Variants in IFT80 observed in about 807,000 individuals in gnomAD.
The protein encoded by IFT80 is intraflagellar transport 80, also known as intraflagellar transport protein 80 homolog.
IFT80 carries 79 observed loss-of-function variants against 107.9 expected under a neutral mutation model. The observed-to-expected ratio is 0.73, with a 90% CI of 0.61 to 0.88. The LOEUF (loss-of-function observed/expected upper bound fraction) is 0.88, where lower values mean the gene tolerates loss of function less well. IFT80 is among the 40% of genes least tolerant of loss of function. The probability of loss-of-function intolerance (pLI) is 0.00; values close to 1 mark genes in which losing one functional copy is unlikely to be tolerated. For missense variants in IFT80, 797 were observed against 914.2 expected (o/e 0.87, Z 1.65); for synonymous variants, 299 against 300.9 (o/e 0.99, Z 0.07).
At chr3:160,282,050 G>T (rs1714728439) in intron 14 of IFT80, among the ~76,000 whole-genome samples, 1 of 152,240 alleles carries the variant, frequency 6.6e-6, no homozygotes, top group Non-Finnish European at 1.5e-5. Flanking sequence ...GACTGAGGCA[G>T]GTGGATGGCT....
At chr3:160,305,121 T>C (rs1716745120) in intron 10 of IFT80, among the ~76,000 whole-genome samples, 1 of 152,140 alleles carries the variant, frequency 6.6e-6, no homozygotes. Context: ...CCTTAAATAA[T>C]AAAAATTGTT....
Position 160,356,037 on chromosome 3 carries a change from A to G in IFT80, c.753T>C (p.Thr251=), listed in dbSNP as rs779028667. The change falls in exon 8 of 20, where the codon ACT becomes ACC. Residue 251 remains threonine, a synonymous_variant. Transcript: ENST00000326448. ...CCCCAGTTTTATCACACAAGCGTAA[A>G]GTATGAAACGATCCAACAGCAAATA... ...GELFAVGSFH[T]LRLCDKTGWS... is the part of the protein sequence containing the mutation. The G allele has an allele frequency of 6.2e-7, 1 of 1,614,024 alleles. No homozygotes were observed. Among genetic ancestry groups the G allele is most frequent in the African/African-American group, 1.3e-5 (1 of 74,950 alleles).
In IFT80 at chr3:160,257,917, T is replaced by C. The variant is rs1478832828; in HGVS notation, c.*608A>G. On this transcript the variant is annotated 3_prime_UTR_variant, in exon 20 of 20. Coordinates refer to ENST00000326448, the MANE Select transcript of IFT80 (RefSeq NM_020800.3). The stretch of plus-strand genomic sequence containing the variant: ...GTTTTCAAGGTTTATCCTGAGGTAG[T>C]ATTTATCAGAATTTCATTCCTTTTT... 1 of 154,000 alleles carries C rather than the reference T, an allele frequency of 6.5e-6. No homozygotes were observed. The highest frequency in any genetic ancestry group is 2.4e-5 in the African/African-American group (1 of 41,466). The allele number at this position is 154,000 out of a possible 1,614,324, so 9.5% of individuals were successfully genotyped here. A position where few individuals can be genotyped will look rare whatever the true frequency, so the allele number is the denominator to read the frequency against.
chr3:160,307,878 CACT>C (rs1394997916), intron 9 of IFT80, 97 bp from the exon 10 acceptor site: 8 of 711,468 alleles, frequency 1.1e-5, no homozygotes, highest in Admixed American at 2.0e-5. Context: ...AAATTAAATG[CACT>C]ACTGATTACC....
At chr3:160,293,030 G>C (rs1046374605) in intron 12 of IFT80, among the ~76,000 whole-genome samples, 3 of 152,116 alleles carry the variant, frequency 2.0e-5, no homozygotes, top group African/African-American at 7.2e-5. Context: ...GGCTGGTAGC[G>C]GAAATAGCCT....
intron 8 of IFT80, among the ~76,000 whole-genome samples, chr3:160,331,428 A>G (rs1230621133): frequency 1.3e-5 from 2 of 152,198 alleles, no homozygotes; most frequent in African/African-American, 2.4e-5. Context: ...ATCATGGTTG[A>G]CCATAGGTAA....
chr3:160,259,103 T>G (rs901059463), intron 19 of IFT80, among the ~76,000 whole-genome samples: 1 of 151,940 alleles, frequency 6.6e-6, no homozygotes, highest in African/African-American at 2.4e-5. Flanking sequence ...GCAAGGGCCC[T>G]GTCTCAAAAA....
intron 1 of IFT80, among the ~76,000 whole-genome samples, chr3:160,388,660 GAA>G (rs1476318613): frequency 6.7e-6 from 1 of 150,276 alleles, no homozygotes; most frequent in Non-Finnish European, 1.5e-5. Context: ...TATATAGAGA[GAA>G]AACGTTAGGT....
intron 8 of IFT80, among the ~76,000 whole-genome samples, chr3:160,337,040 C>T (rs1263783936): frequency 2.6e-5 from 4 of 152,112 alleles, no homozygotes; most frequent in Non-Finnish European, 5.9e-5. Context: ...ATCTATAAGT[C>T]AGTCAGCAAA....
At chr3:160,380,833 A>T (rs186211533) in intron 3 of IFT80, among the ~76,000 whole-genome samples, 26 of 152,330 alleles carry the variant, frequency 1.7e-4, no homozygotes, top group African/African-American at 6.0e-4. Flanking sequence ...CAGATACCTT[A>T]CTAAATGAAT....
intron 8 of IFT80, among the ~76,000 whole-genome samples, chr3:160,354,319 T>A (rs1286025453): frequency 1.3e-5 from 2 of 152,046 alleles, no homozygotes; most frequent in Non-Finnish European, 2.9e-5. Flanking sequence ...GAAGGCATGA[T>A]CAAAGGAAGT....
At chr3:160,333,163 A>G (rs1324382817) in intron 8 of IFT80, among the ~76,000 whole-genome samples, 2 of 152,204 alleles carry the variant, frequency 1.3e-5, no homozygotes, top group African/African-American at 4.8e-5. Context: ...ATACATCATT[A>G]AAACATAAAA....
At chr3:160,347,862 C>T (rs558356545) in intron 8 of IFT80, among the ~76,000 whole-genome samples, 17 of 152,238 alleles carry the variant, frequency 1.1e-4, no homozygotes, top group Non-Finnish European at 1.6e-4. Context: ...AACTGATATG[C>T]ATATATCTTT....
At chr3:160,279,454 T>C (rs1714520527) in intron 15 of IFT80, 90 bp from the exon 16 acceptor site, 7 of 1,006,308 alleles carry the variant, frequency 7.0e-6, no homozygotes, top group African/African-American at 1.6e-5. Flanking sequence ...GACCGTGAAA[T>C]ACACACGGAG....
chr3:160,299,030 T>C, intron 12 of IFT80: 1 of 699,512 alleles, frequency 1.4e-6, no homozygotes, highest in South Asian at 6.3e-5. Flanking sequence ...AAAGCTTTTA[T>C]CTAAAATATG....
At chr3:160,305,837 C>T (rs939960891) in intron 10 of IFT80, among the ~76,000 whole-genome samples, 1 of 152,092 alleles carries the variant, frequency 6.6e-6, no homozygotes, top group African/African-American at 2.4e-5. Context: ...CAAATCCCTG[C>T]TTTCCTTTAG....
Position 160,335,084 on chromosome 3 carries a change from G to A in IFT80, c.778-15145C>T, listed in dbSNP as rs117190492. 2.7e-4 allele frequency among the ~76,000 whole-genome samples: 40 copies of A among 150,920 alleles called. No homozygotes were observed. In the East Asian group the frequency reaches 6.6e-3, roughly 25 times the overall value. ...TTTCCATTCAAATCCAGGAACTATC[G>A]GATTTCTACTTACCCTCACCAGTCT... On this transcript the variant is annotated intron_variant, in intron 8 of 19. Coordinates refer to ENST00000326448, the MANE Select transcript of IFT80 (RefSeq NM_020800.3).
At chr3:160,369,446 A>G (rs1006401726) in intron 5 of IFT80, among the ~76,000 whole-genome samples, 13 of 151,916 alleles carry the variant, frequency 8.6e-5, no homozygotes, top group African/African-American at 2.9e-4. Flanking sequence ...TAAGCATTAA[A>G]CTACTGTACA....
chr3:160,275,849 A>G (rs968553303), intron 18 of IFT80, among the ~76,000 whole-genome samples: 1 of 152,182 alleles, frequency 6.6e-6, no homozygotes, highest in Non-Finnish European at 1.5e-5. Context: ...CACTGTCTAA[A>G]CTAGTTACCT....
Sources: allele counts gnomAD v4.1 joint callset (sites outside exome capture counted in the v4.1 genomes callset), GRCh38; gene constraint gnomAD v4.1.1; transcripts MANE v1.5; gene names NCBI Gene and HGNC (gene_info 2026-07-23, HGNC 2026-07-21).